The following KIAA0825 variants were observed in gnomAD, a reference collection of about 807,000 sequenced individuals.
KIAA0825 encodes the protein uncharacterized protein KIAA0825.
In KIAA0825, 119 loss-of-function variants were observed where a neutral mutation model predicts 147.6. That is an observed-to-expected ratio of 0.81 (90% CI 0.69 to 0.94). The LOEUF (loss-of-function observed/expected upper bound fraction) is 0.94. Ranked by LOEUF, KIAA0825 falls within the 40% of genes least tolerant of loss-of-function variation. The pLI is 0.00. For synonymous variants in KIAA0825, 470 were observed against 518.1 expected (o/e 0.91, Z 1.26); for missense variants, 1,381 against 1,472.7 (o/e 0.94, Z 1.02).
chr5:94,356,960 T>G (rs1404530898), intron 20 of KIAA0825, among the ~76,000 whole-genome samples: 2 of 151,954 alleles, frequency 1.3e-5, no homozygotes, highest in Non-Finnish European at 2.9e-5. Context: ...CCTGACCTCG[T>G]GATCCACCAG....
intron 13 of KIAA0825, 27 bp from the exon 14 acceptor site, chr5:94,440,148 G>T (rs1756894630): frequency 6.5e-7 from 1 of 1,545,768 alleles, no homozygotes; most frequent in African/African-American, 1.4e-5. Flanking sequence ...TAAAGATGGA[G>T]TAATGAAGTT....
At chr5:94,594,912 T>G (rs538063689) in intron 1 of KIAA0825, 11 of 284,978 alleles carry the variant, frequency 3.9e-5, no homozygotes, top group African/African-American at 2.6e-4. Context: ...AAAATAATCT[T>G]CTTTGACTCC....
intron 1 of KIAA0825, among the ~76,000 whole-genome samples, chr5:94,605,037 AAC>A (rs141485050): frequency 0.23 from 35,203 of 151,866 alleles, 4,384 homozygotes; most frequent in Non-Finnish European, 0.27. Context: ...GAAGATTACA[AAC>A]ACAATCAGAA....
At chr5:94,370,276 G>C (rs1311716660) in intron 20 of KIAA0825, among the ~76,000 whole-genome samples, 10 of 152,166 alleles carry the variant, frequency 6.6e-5, no homozygotes, top group Non-Finnish European at 1.0e-4. Context: ...TGGCATGGAG[G>C]TAGAAAGTAA....
At chr5:94,281,695 C>T (rs987370142) in intron 20 of KIAA0825, among the ~76,000 whole-genome samples, 4 of 152,102 alleles carry the variant, frequency 2.6e-5, no homozygotes, top group Non-Finnish European at 4.4e-5. Flanking sequence ...CCCTCCTCTT[C>T]CAGTTGTGAC....
intron 10 of KIAA0825, among the ~76,000 whole-genome samples, chr5:94,465,769 C>G (rs2150967067): frequency 6.6e-6 from 1 of 152,208 alleles, no homozygotes; most frequent in East Asian, 1.9e-4. Flanking sequence ...TCCTTTCCAC[C>G]CCTGTACAGA....
chr5:94,383,787 CTGTGTGTGTGTGTG>C (rs6149118), intron 20 of KIAA0825, among the ~76,000 whole-genome samples: 1 of 145,352 alleles, frequency 6.9e-6, no homozygotes, highest in Non-Finnish European at 1.5e-5. Context: ...TTATACTGCT[CTGTGTGTGTGTGTG>C]TGTGTGTGTG....
chr5:94,180,557 T>TCTTTTGTTTGGCTG (rs1769520287), intron 20 of KIAA0825, among the ~76,000 whole-genome samples: 1 of 152,098 alleles, frequency 6.6e-6, no homozygotes, highest in Non-Finnish European at 1.5e-5. Context: ...GATGTTAACA[T>TCTTTTGTTTGGCTG]AAGGGGACTT....
intron 20 of KIAA0825, among the ~76,000 whole-genome samples, chr5:94,186,255 G>A (rs1161966489): frequency 6.6e-6 from 1 of 152,130 alleles, no homozygotes; most frequent in Non-Finnish European, 1.5e-5. Flanking sequence ...TTGCATATAA[G>A]TTTAGTTTAT....
chr5:94,575,329 A>G (rs1375266535), intron 2 of KIAA0825, among the ~76,000 whole-genome samples: 2 of 152,008 alleles, frequency 1.3e-5, no homozygotes, highest in Admixed American at 6.6e-5. Context: ...TATGAAGGTG[A>G]TGATAAATAG....
chr5:94,424,002 A>T (rs896232348), intron 14 of KIAA0825, among the ~76,000 whole-genome samples: 1 of 152,146 alleles, frequency 6.6e-6, no homozygotes, highest in Non-Finnish European at 1.5e-5. Flanking sequence ...AAATATAAAG[A>T]CCTATCATTT....
chr5:94,206,898 G>C (rs1352058775), intron 20 of KIAA0825, among the ~76,000 whole-genome samples: 2 of 152,172 alleles, frequency 1.3e-5, no homozygotes, highest in Non-Finnish European at 2.9e-5. Context: ...TGGGAATAGA[G>C]GAACTCGCGG....
Position 94,151,333 on chromosome 5 carries a change from C to A in KIAA0825, c.*2674G>T, listed in dbSNP as rs1037951437. 7.1e-6 allele frequency among the ~76,000 whole-genome samples: 1 copy of A among 140,448 alleles called. No homozygotes were observed. Among genetic ancestry groups the A allele is most frequent in the Non-Finnish European group, 1.5e-5 (1 of 65,852 alleles). The allele number at this position is 140,448 out of a possible 152,430, so 92.1% of individuals were successfully genotyped here. A position where few individuals can be genotyped will look rare whatever the true frequency, so the allele number is the denominator to read the frequency against. ...TCGGGAGGCTGAGGCAGGAGAATGG[C>A]GTGAACCCGGGAAGCGGAGCTTGCA... On this transcript the variant is annotated 3_prime_UTR_variant, in exon 21 of 21. Transcript: ENST00000682413.
intron 20 of KIAA0825, among the ~76,000 whole-genome samples, chr5:94,339,887 G>C (rs1782189711): frequency 6.6e-6 from 1 of 152,120 alleles, no homozygotes; most frequent in Middle Eastern, 3.4e-3. Flanking sequence ...AACTTAAAAA[G>C]CAATCTAAAA....
At chr5:94,439,676 G>T (rs1270095419) in intron 14 of KIAA0825, among the ~76,000 whole-genome samples, 1 of 152,018 alleles carries the variant, frequency 6.6e-6, no homozygotes, top group Non-Finnish European at 1.5e-5. Context: ...AAATATAACT[G>T]CAGTCCTACA....
chr5:94,331,067 G>C (rs1030857050), intron 20 of KIAA0825, among the ~76,000 whole-genome samples: 2 of 151,808 alleles, frequency 1.3e-5, no homozygotes, highest in Non-Finnish European at 2.9e-5. Flanking sequence ...GAACCTGGGA[G>C]GCAGAAGTTG....
At chr5:94,613,371 ATT>A (rs1356600663) in intron 1 of KIAA0825, among the ~76,000 whole-genome samples, 1 of 151,802 alleles carries the variant, frequency 6.6e-6, no homozygotes, top group East Asian at 1.9e-4. Flanking sequence ...TAATTTTTGT[ATT>A]TTTTTGGTAG....
chr5:94,555,746 G>A (rs1325772658), intron 2 of KIAA0825, among the ~76,000 whole-genome samples: 1 of 151,984 alleles, frequency 6.6e-6, no homozygotes, highest in Non-Finnish European at 1.5e-5. Flanking sequence ...GCCATCTCTT[G>A]CTTTAATGGA....
chr5:94,335,610 T>C (rs1268026788), intron 20 of KIAA0825, among the ~76,000 whole-genome samples: 1 of 152,130 alleles, frequency 6.6e-6, no homozygotes, highest in East Asian at 1.9e-4. Flanking sequence ...CCCCAAATTA[T>C]ACTACTTACA....
Sources: allele counts gnomAD v4.1 joint callset (sites outside exome capture counted in the v4.1 genomes callset), GRCh38; gene constraint gnomAD v4.1.1; transcripts MANE v1.5; gene names NCBI Gene and HGNC (gene_info 2026-07-23, HGNC 2026-07-21).